The following CPNE3 variants were observed in gnomAD, a reference collection of about 807,000 sequenced individuals.
CPNE3 encodes copine 3.
CPNE3 carries 68 observed loss-of-function variants against 63.9 expected under a neutral mutation model. That is an observed-to-expected ratio of 1.06 (90% CI 0.87 to 1.30). CPNE3 has a LOEUF of 1.30. Among genes scored for constraint, CPNE3 ranks in the 50% most tolerant of loss-of-function variants. The pLI is 0.00. For synonymous variants in CPNE3, 219 were observed against 197.5 expected, an observed-to-expected ratio of 1.11 and a Z score of -0.91; for missense variants, 665 against 578.1, an observed-to-expected ratio of 1.15 and a Z score of -1.54.
rs558351060 is a variant in CPNE3, at chr8:86,559,016, G to A, written c.*606G>A. ...TTTATGAAAAGTACTGAATGAGCAGGAAAAGGCACATACTCAGTTTTTTAA... is the reference window on the plus strand; with the variant it reads ...TTTATGAAAAGTACTGAATGAGCAGAAAAAGGCACATACTCAGTTTTTTAA... On this transcript the variant is annotated 3_prime_UTR_variant, in exon 17 of 17. Transcript: ENST00000517490. The A allele has an allele frequency of 6.6e-5, 10 of 152,292 alleles. No individual in the cohort carries two copies. In the South Asian group the frequency reaches 1.9e-3, roughly 28 times the overall value. The allele number at this position is 152,292 out of a possible 1,614,324, so 9.4% of individuals were successfully genotyped here. A position where few individuals can be genotyped will look rare whatever the true frequency, so the allele number is the denominator to read the frequency against.
At position 86,556,184 on chromosome 8, in the gene CPNE3, G is replaced by A. The variant is rs1428034178; in HGVS notation, c.1337G>A (p.Arg446Lys). 1 of 873,046 alleles carries A rather than the reference G, an allele frequency of 1.1e-6. No individual in the cohort carries two copies. The highest frequency in any genetic ancestry group is 1.7e-5 in the Admixed American group (1 of 59,198). 54.1% of individuals were successfully genotyped at this position (873,046 alleles called of 1,614,324 possible). A position where few individuals can be genotyped will look rare whatever the true frequency, so the allele number is the denominator to read the frequency against. The change falls in exon 16 of 17, where the codon AGG (arginine) becomes AAG (lysine). Residue 446 changes from arginine (R) to lysine (K), a missense_variant. Coordinates refer to ENST00000517490, the MANE Select transcript of CPNE3 (RefSeq NM_003909.5). ...AGACAAGCTATAGTTAATGCCTCCA[G>A]GCTGCCTATGTCCATCATAATTGTT... ...ETRQAIVNASRLPMSIIIVGV... is the reference protein window; with the variant it reads ...ETRQAIVNASKLPMSIIIVGV...
intron 4 of CPNE3, among the ~76,000 whole-genome samples, 181 bp downstream of exon 4, chr8:86,529,305 G>T (rs1001085564): frequency 1.3e-5 from 2 of 152,084 alleles, no homozygotes; most frequent in African/African-American, 4.8e-5. Flanking sequence ...TTTTGTATGG[G>T]CAGGAACTAT....
At chr8:86,531,807 T>G (rs1820689957) in intron 5 of CPNE3, among the ~76,000 whole-genome samples, 1 of 152,224 alleles carries the variant, frequency 6.6e-6, no homozygotes, top group Non-Finnish European at 1.5e-5. Flanking sequence ...CCTGTAAACC[T>G]TATCTTCTAG....
chr8:86,543,103 A>G (rs1466200717), intron 8 of CPNE3, among the ~76,000 whole-genome samples: 1 of 152,146 alleles, frequency 6.6e-6, no homozygotes, highest in Non-Finnish European at 1.5e-5. Flanking sequence ...CCTTATCTAA[A>G]TATTACTTCC....
intron 9 of CPNE3, chr8:86,545,185 AG>A (rs1821021902): frequency 6.4e-6 from 1 of 157,202 alleles, no homozygotes; most frequent in South Asian, 2.0e-4. Flanking sequence ...CAAGCACTAG[AG>A]GGAACCACAC....
At chr8:86,549,904 G>C (rs1433438399) in intron 12 of CPNE3, among the ~76,000 whole-genome samples, 1 of 152,160 alleles carries the variant, frequency 6.6e-6, no homozygotes. Flanking sequence ...CCAGCCATCT[G>C]ATCACATCCA....
At chr8:86,557,076 G>T (rs1008213911) in intron 16 of CPNE3, among the ~76,000 whole-genome samples, 1 of 152,134 alleles carries the variant, frequency 6.6e-6, no homozygotes, top group African/African-American at 2.4e-5. Flanking sequence ...GCTGGCTGTT[G>T]CCTGTTTTTC....
rs749256513 is a variant in CPNE3, at chr8:86,551,233, T to C, written c.1119T>C (p.Asn373=). ...MNFNPSNPYC[N]GIQGIVEAYR... is the part of the protein sequence containing the mutation. ...TCAACCCATCCAATCCCTACTGCAA[T>C]GGTAAGTTAAAAAATAAACATGAAG... Residue 373 remains asparagine (N), a splice_region_variant and synonymous_variant, in exon 14 of 17, where the codon AAT becomes AAC. Transcript: ENST00000517490. 3.8e-6 allele frequency: 6 copies of C among 1,582,714 alleles called. No individual in the cohort carries two copies. Among genetic ancestry groups the C allele is most frequent in the Non-Finnish European group, 5.2e-6 (6 of 1,151,846 alleles).
intron 5 of CPNE3, among the ~76,000 whole-genome samples, chr8:86,531,488 G>A (rs953767363): frequency 6.6e-6 from 1 of 152,074 alleles, no homozygotes. Flanking sequence ...AGCGATACCT[G>A]CCCCTTCTCT....
rs1586851926 is a variant in CPNE3, at chr8:86,554,892, C to T, written c.1162C>T (p.Gln388Ter). Residue 388 changes from glutamine (Q) to a stop codon, truncating the protein, a stop_gained, in exon 15 of 17, where the codon CAG (glutamine) becomes TAG (stop). Coordinates refer to ENST00000517490, the MANE Select transcript of CPNE3 (RefSeq NM_003909.5). LOFTEE classifies it high-confidence loss of function. ...IVEAYRSCLPQIKLYGPTNFS... is the reference protein window; with the variant it reads ...IVEAYRSCLP ...AGAGGCGTATCGGTCTTGTCTTCCT[C>T]AGATAAAACTCTATGGACCAACTAA... 4 of 1,614,136 alleles carry T rather than the reference C, an allele frequency of 2.5e-6. No individual in the cohort carries two copies. In the Admixed American group the frequency reaches 6.7e-5, roughly 27 times the overall value.
intron 12 of CPNE3, among the ~76,000 whole-genome samples, chr8:86,549,248 T>A (rs1445634151): frequency 6.6e-6 from 1 of 152,194 alleles, no homozygotes; most frequent in Non-Finnish European, 1.5e-5. Flanking sequence ...AAGGTGGCAA[T>A]TCCAATTTCA....
chr8:86,551,662 C>T (rs2131494774), intron 14 of CPNE3: 2 of 155,984 alleles, frequency 1.3e-5, no homozygotes, highest in Middle Eastern at 3.2e-3. Flanking sequence ...TAGTCACTCT[C>T]TACGAAGAGA....
chr8:86,549,717 A>C (rs936018425), intron 12 of CPNE3, among the ~76,000 whole-genome samples: 1 of 152,208 alleles, frequency 6.6e-6, no homozygotes, highest in African/African-American at 2.4e-5. Flanking sequence ...CTGATAGGGG[A>C]GTTCTGCTGT....
At chr8:86,532,977 C>T (rs943499144) in intron 6 of CPNE3, among the ~76,000 whole-genome samples, 2 of 152,056 alleles carry the variant, frequency 1.3e-5, no homozygotes, top group Non-Finnish European at 1.5e-5. Flanking sequence ...CATAATAACA[C>T]AACAATTTAG....
chr8:86,525,368 A>C (rs1337173883), intron 2 of CPNE3, among the ~76,000 whole-genome samples: 1 of 152,212 alleles, frequency 6.6e-6, no homozygotes, highest in Non-Finnish European at 1.5e-5. Context: ...CATTAAAAGG[A>C]AATGAAAACA....
Position 86,559,577 on chromosome 8 carries a change from A to C in CPNE3, c.*1167A>C, listed in dbSNP as rs1038123309. 2 of 152,122 alleles carry C rather than the reference A, an allele frequency of 1.3e-5. No individual in the cohort carries two copies. The highest frequency in any genetic ancestry group is 6.5e-5 in the Admixed American group (1 of 15,272). The allele number at this position is 152,122 out of a possible 1,614,324, so 9.4% of individuals were successfully genotyped here. The stretch of plus-strand genomic sequence containing the variant: ...TATAAAACCTACTGCAACTTAGAAA[A>C]AGGAAAGAAAAAAGAAAACTTTTCC... On this transcript the variant is annotated 3_prime_UTR_variant, in exon 17 of 17. Transcript: ENST00000517490.
chr8:86,552,386 G>C (rs1161227565), intron 14 of CPNE3, among the ~76,000 whole-genome samples: 1 of 152,076 alleles, frequency 6.6e-6, no homozygotes, highest in Non-Finnish European at 1.5e-5. Flanking sequence ...CTAGCCATTT[G>C]AAACTGGGAA....
intron 15 of CPNE3, among the ~76,000 whole-genome samples, chr8:86,555,790 C>G (rs1419503659): frequency 6.6e-6 from 1 of 152,164 alleles, no homozygotes; most frequent in East Asian, 1.9e-4. Flanking sequence ...GATACTTTGA[C>G]ATATTTAATA....
At chr8:86,550,964 C>T in intron 12 of CPNE3, 82 bp from the exon 13 acceptor site, 1 of 1,334,646 alleles carries the variant, frequency 7.5e-7, no homozygotes, top group South Asian at 1.5e-5. Context: ...GAAATGAGCT[C>T]ATATGGATTT....
Sources: allele counts gnomAD v4.1 joint callset (sites outside exome capture counted in the v4.1 genomes callset), GRCh38; gene constraint gnomAD v4.1.1; transcripts MANE v1.5; gene names NCBI Gene and HGNC (gene_info 2026-07-23, HGNC 2026-07-21).